Variants in ADAM12 observed in about 807,000 individuals in gnomAD.
ADAM12 encodes disintegrin and metalloproteinase domain-containing protein 12.
In ADAM12, 70 loss-of-function variants were observed where a neutral mutation model predicts 106.4. The observed-to-expected ratio is 0.66, with a 90% CI of 0.54 to 0.80. ADAM12 has a LOEUF of 0.80. Ranked by LOEUF, ADAM12 falls within the 30% of genes least tolerant of loss-of-function variation. ADAM12 has a pLI of 0.00. For synonymous variants in ADAM12, 420 were observed against 433.5 expected (o/e 0.97, Z 0.39); for missense variants, 1,010 against 1,171.9 (o/e 0.86, Z 2.02).
At chr10:126,339,001 G>GT (rs1854821568) in intron 1 of ADAM12, among the ~76,000 whole-genome samples, 1 of 152,158 alleles carries the variant, frequency 6.6e-6, no homozygotes, top group African/African-American at 2.4e-5. Context: ...GCTTCACTGG[G>GT]TATCTGTGAC....
chr10:126,189,146 G>A (rs1295959541), intron 3 of ADAM12, among the ~76,000 whole-genome samples: 1 of 152,194 alleles, frequency 6.6e-6, no homozygotes, highest in East Asian at 1.9e-4. Context: ...TGGACTTAAG[G>A]AATGAAGGAA....
At chr10:126,321,889 C>T (rs1366763248) in intron 2 of ADAM12, among the ~76,000 whole-genome samples, 1 of 124,848 alleles carries the variant, frequency 8.0e-6, no homozygotes, top group Non-Finnish European at 1.6e-5. Flanking sequence ...TCTCGCTTAA[C>T]TTTCTACCTG....
chr10:126,165,130 C>T (rs1957001104), intron 3 of ADAM12, among the ~76,000 whole-genome samples: 1 of 152,138 alleles, frequency 6.6e-6, no homozygotes, highest in South Asian at 2.1e-4. Flanking sequence ...TCCTCCTGCC[C>T]CTGTTCATTG....
At chr10:126,141,233 T>A (rs768317171) in intron 4 of ADAM12, among the ~76,000 whole-genome samples, 1 of 152,208 alleles carries the variant, frequency 6.6e-6, no homozygotes, top group Non-Finnish European at 1.5e-5. Context: ...TCTGCAGACC[T>A]TCCAACACTG....
At chr10:126,130,760 T>C (rs1956289974) in intron 5 of ADAM12, among the ~76,000 whole-genome samples, 1 of 152,100 alleles carries the variant, frequency 6.6e-6, no homozygotes, top group Non-Finnish European at 1.5e-5. Context: ...GGATGGAGGG[T>C]TGTGACTGAG....
chr10:126,072,728 A>C (rs1955022594), intron 11 of ADAM12, among the ~76,000 whole-genome samples: 1 of 152,202 alleles, frequency 6.6e-6, no homozygotes, highest in Non-Finnish European at 1.5e-5. Flanking sequence ...GCATTTTCCC[A>C]TGTCTTGAGG....
intron 6 of ADAM12, 64 bp downstream of exon 6, chr10:126,117,974 T>G: frequency 6.4e-7 from 1 of 1,551,384 alleles, no homozygotes; most frequent in Non-Finnish European, 8.9e-7. Flanking sequence ...GATGTCCTAG[T>G]GTGGGGTATC....
At chr10:126,235,525 G>A (rs1421092103) in intron 3 of ADAM12, among the ~76,000 whole-genome samples, 2 of 152,290 alleles carry the variant, frequency 1.3e-5, no homozygotes, top group East Asian at 3.9e-4. Context: ...CGAGGGACTT[G>A]AACTTGCTGC....
At chr10:126,098,003 T>C (rs545253180) in intron 10 of ADAM12, among the ~76,000 whole-genome samples, 33 of 152,320 alleles carry the variant, frequency 2.2e-4, no homozygotes, top group African/African-American at 7.9e-4. Flanking sequence ...CTTTGGGCCA[T>C]TGGGCTTGGA....
At chr10:126,329,518 T>G (rs1160962970) in intron 2 of ADAM12, among the ~76,000 whole-genome samples, 1 of 152,210 alleles carries the variant, frequency 6.6e-6, no homozygotes, top group Non-Finnish European at 1.5e-5. Flanking sequence ...ATATTCAATT[T>G]GCAACAATGT....
intron 6 of ADAM12, among the ~76,000 whole-genome samples, chr10:126,110,615 A>T (rs1025151724): frequency 3.9e-5 from 6 of 152,186 alleles, no homozygotes; most frequent in African/African-American, 1.4e-4. Context: ...TGGATATGGA[A>T]GTGGATGAAT....
chr10:126,353,852 C>T (rs933606904), intron 1 of ADAM12, among the ~76,000 whole-genome samples: 1 of 152,172 alleles, frequency 6.6e-6, no homozygotes, highest in African/African-American at 2.4e-5. Context: ...TGTAGGCTTC[C>T]AGCTGCCCTT....
At chr10:126,150,938 C>T (rs76422770) in intron 4 of ADAM12, among the ~76,000 whole-genome samples, 1,825 of 152,226 alleles carry the variant, frequency 0.012, 18 homozygotes, top group Non-Finnish European at 0.019. Flanking sequence ...AGTGAAATGG[C>T]GTCCAAAGAA....
intron 12 of ADAM12, among the ~76,000 whole-genome samples, chr10:126,069,967 G>A (rs1193889787): frequency 2.0e-5 from 3 of 152,148 alleles, no homozygotes; most frequent in South Asian, 4.1e-4. Flanking sequence ...TTCCAAACCC[G>A]AGAGTTCATG....
At chr10:126,384,424 C>T (rs1856590333) in intron 1 of ADAM12, among the ~76,000 whole-genome samples, 2 of 152,242 alleles carry the variant, frequency 1.3e-5, no homozygotes, top group South Asian at 4.2e-4. Flanking sequence ...GAAAAATTTA[C>T]AGTGCTCAGA....
intron 3 of ADAM12, among the ~76,000 whole-genome samples, chr10:126,173,939 C>T (rs1310321368): frequency 6.8e-6 from 1 of 146,040 alleles, no homozygotes; most frequent in Non-Finnish European, 1.5e-5. Context: ...AGAAAAATTG[C>T]AAAAATAAAA....
intron 1 of ADAM12, among the ~76,000 whole-genome samples, chr10:126,360,371 T>C (rs1202546806): frequency 6.6e-6 from 1 of 152,174 alleles, no homozygotes; most frequent in Admixed American, 6.5e-5. Flanking sequence ...TTCCAAACTT[T>C]TATGCTCTAC....
chr10:126,057,264 T>G, intron 14 of ADAM12, among the ~76,000 whole-genome samples: 1 of 75,376 alleles, frequency 1.3e-5, no homozygotes, highest in African/African-American at 4.6e-5. Context: ...TACCTAATGC[T>G]AGATGACACG....
intron 1 of ADAM12, among the ~76,000 whole-genome samples, chr10:126,336,888 G>A (rs1854720438): frequency 6.6e-6 from 1 of 152,150 alleles, no homozygotes; most frequent in Admixed American, 6.5e-5. Context: ...TCCACCACAC[G>A]CTCTCAATGA....
Sources: allele counts gnomAD v4.1 joint callset (sites outside exome capture counted in the v4.1 genomes callset), GRCh38; gene constraint gnomAD v4.1.1; transcripts MANE v1.5; gene names NCBI Gene and HGNC (gene_info 2026-07-23, HGNC 2026-07-21).